Variants in ABTB3 observed in about 807,000 individuals in gnomAD.
The protein encoded by ABTB3 is ankyrin repeat- and BTB/POZ domain-containing protein 3.
chr12:107,412,950 T>C, the ABTB3 span, among the ~76,000 whole-genome samples: 1 of 152,134 alleles, frequency 6.6e-6, no homozygotes, highest in Admixed American at 6.5e-5. Context: ...AACTGGGAAA[T>C]GGCACTTCCT....
At chr12:107,460,530 G>A in the ABTB3 span, among the ~76,000 whole-genome samples, 1 of 152,116 alleles carries the variant, frequency 6.6e-6, no homozygotes, top group Non-Finnish European at 1.5e-5. Context: ...GTGATGGCAC[G>A]CCCCTGTAGT....
the ABTB3 span, among the ~76,000 whole-genome samples, chr12:107,383,399 G>A: frequency 6.6e-6 from 1 of 152,182 alleles, no homozygotes; most frequent in South Asian, 2.1e-4. Context: ...AGGCTGCCTG[G>A]GGTGGAATCC....
the ABTB3 span, chr12:107,640,506 G>A: frequency 6.4e-5 from 46 of 721,408 alleles, no homozygotes; most frequent in Admixed American, 2.4e-4. Context: ...TCTCTTCGCC[G>A]GACTGGCTGG....
the ABTB3 span, among the ~76,000 whole-genome samples, chr12:107,614,794 G>A: frequency 6.6e-6 from 1 of 152,088 alleles, no homozygotes; most frequent in Non-Finnish European, 1.5e-5. Flanking sequence ...TCCAAAACAC[G>A]GACTTCCATT....
At chr12:107,619,831 G>C in the ABTB3 span, among the ~76,000 whole-genome samples, 1 of 152,130 alleles carries the variant, frequency 6.6e-6, no homozygotes, top group Admixed American at 6.5e-5. Context: ...GGTTCTGTTC[G>C]TTGAAAGTCA....
chr12:107,656,450 G>A, the ABTB3 span, among the ~76,000 whole-genome samples: 4 of 152,228 alleles, frequency 2.6e-5, no homozygotes, highest in African/African-American at 9.6e-5. Flanking sequence ...TTTGCAAAAG[G>A]AGCCAGAGAA....
the ABTB3 span, among the ~76,000 whole-genome samples, chr12:107,365,605 G>A: frequency 6.6e-6 from 1 of 152,296 alleles, no homozygotes; most frequent in South Asian, 2.1e-4. Flanking sequence ...GGGCTGTGCA[G>A]TAAATGTCAT....
chr12:107,359,640 A>C, the ABTB3 span, among the ~76,000 whole-genome samples: 3 of 152,174 alleles, frequency 2.0e-5, no homozygotes, highest in African/African-American at 4.8e-5. Context: ...GACTGCACTC[A>C]GTGCAGCCGT....
the ABTB3 span, among the ~76,000 whole-genome samples, chr12:107,463,582 G>A: frequency 1.3e-5 from 2 of 152,174 alleles, no homozygotes; most frequent in African/African-American, 4.8e-5. Flanking sequence ...AAGCAACAGA[G>A]CTGGGCTTTG....
At chr12:107,642,600 G>T in the ABTB3 span, among the ~76,000 whole-genome samples, 4 of 152,194 alleles carry the variant, frequency 2.6e-5, no homozygotes, top group African/African-American at 9.7e-5. Context: ...TGAGAAGTTG[G>T]TGAGCCACAG....
chr12:107,426,776 C>T, the ABTB3 span, among the ~76,000 whole-genome samples: 3,509 of 152,118 alleles, frequency 0.023, 139 homozygotes, highest in African/African-American at 0.08. Flanking sequence ...ACCCAAGCCA[C>T]ATCTCTGCCT....
the ABTB3 span, among the ~76,000 whole-genome samples, chr12:107,602,612 G>T: frequency 6.6e-6 from 1 of 152,174 alleles, no homozygotes; most frequent in Non-Finnish European, 1.5e-5. Flanking sequence ...TACGTAACTG[G>T]CCCCAAGATC....
chr12:107,597,830 C>T, the ABTB3 span, among the ~76,000 whole-genome samples: 66 of 152,302 alleles, frequency 4.3e-4, 2 homozygotes, highest in South Asian at 0.014. Context: ...TGTTGCTTTG[C>T]AATTCCTTGA....
At chr12:107,464,591 G>A in the ABTB3 span, among the ~76,000 whole-genome samples, 4 of 152,182 alleles carry the variant, frequency 2.6e-5, no homozygotes, top group African/African-American at 9.7e-5. Flanking sequence ...CATTACAGGT[G>A]TGAGCCACTG....
chr12:107,494,946 C>T, the ABTB3 span, among the ~76,000 whole-genome samples: 1 of 152,226 alleles, frequency 6.6e-6, no homozygotes, highest in Admixed American at 6.5e-5. Flanking sequence ...AACTCTGTCT[C>T]CTACCACGGG....
At chr12:107,530,530 G>A in the ABTB3 span, among the ~76,000 whole-genome samples, 1 of 152,048 alleles carries the variant, frequency 6.6e-6, no homozygotes, top group African/African-American at 2.4e-5. Flanking sequence ...ACACTTTGGG[G>A]TTTTTTTCTC....
At chr12:107,413,142 TGG>T in the ABTB3 span, among the ~76,000 whole-genome samples, 1 of 151,680 alleles carries the variant, frequency 6.6e-6, no homozygotes, top group South Asian at 2.1e-4. Context: ...GGCGTGGTGG[TGG>T]GCGCCTGTAA....
At chr12:107,395,020 A>G in the ABTB3 span, among the ~76,000 whole-genome samples, 2 of 152,138 alleles carry the variant, frequency 1.3e-5, no homozygotes, top group African/African-American at 4.8e-5. Context: ...GCCCACCTGC[A>G]TACCTGGCCT....
the ABTB3 span, among the ~76,000 whole-genome samples, chr12:107,362,265 G>T: frequency 6.6e-6 from 1 of 152,172 alleles, no homozygotes; most frequent in Non-Finnish European, 1.5e-5. Context: ...CTATGGTAAT[G>T]CTGGAGATCA....
Sources: gnomAD v4.1 joint callset for allele counts (sites outside exome capture counted in the v4.1 genomes callset) on GRCh38, gnomAD v4.1.1 for gene constraint, MANE v1.5 for transcripts, NCBI Gene and HGNC (gene_info 2026-07-23, HGNC 2026-07-21) for gene names.